Variants in CDH4 observed in about 807,000 individuals in gnomAD.
CDH4 encodes cadherin-4.
CDH4 carries 33 observed loss-of-function variants against 86.0 expected under a neutral mutation model. That is an observed-to-expected ratio of 0.38 (90% CI 0.29 to 0.51). CDH4 has a LOEUF of 0.51. Ranked by LOEUF, CDH4 falls within the 20% of genes least tolerant of loss-of-function variation. The pLI is 0.86. For synonymous variants in CDH4, 555 were observed against 549.4 expected (o/e 1.01, Z -0.14); for missense variants, 1,114 against 1,307.4 (o/e 0.85, Z 2.28).
chr20:61,646,222 C>T (rs772802820), intron 2 of CDH4, among the ~76,000 whole-genome samples: 5 of 152,086 alleles, frequency 3.3e-5, no homozygotes, highest in Non-Finnish European at 5.9e-5. Context: ...GGCCTCTTCA[C>T]GCTGCCTGGA....
intron 2 of CDH4, among the ~76,000 whole-genome samples, chr20:61,726,918 C>A (rs1189656283): frequency 7.2e-5 from 11 of 152,012 alleles, no homozygotes; most frequent in Non-Finnish European, 1.5e-5. Context: ...GTGAGATCAT[C>A]ATCAACATTG....
At chr20:61,538,929 G>A (rs944997797) in intron 2 of CDH4, among the ~76,000 whole-genome samples, 2 of 152,354 alleles carry the variant, frequency 1.3e-5, no homozygotes, top group East Asian at 3.9e-4. Context: ...GGGCACCGTG[G>A]CTTCCTGCCT....
intron 9 of CDH4, among the ~76,000 whole-genome samples, chr20:61,916,767 G>GA (rs1049670907): frequency 2.0e-5 from 3 of 152,362 alleles, no homozygotes; most frequent in African/African-American, 7.2e-5. Context: ...TGGTGAGGAG[G>GA]AATCAGTGAA....
chr20:61,623,887 C>T lies in CDH4; in HGVS notation c.170-119676C>T, dbSNP rs1315066897. ...AGCAGGAAGGACACGGTTCCTAGAGCGAGGAACACCCCAGAATCTGAGGAG... is the reference window on the plus strand; with the variant it reads ...AGCAGGAAGGACACGGTTCCTAGAGTGAGGAACACCCCAGAATCTGAGGAG... On this transcript the variant is annotated intron_variant, in intron 2 of 15. Transcript: ENST00000614565. The surrounding 1 kb of genome is among the most constrained non-coding windows in gnomAD (Gnocchi z 4.4). 2.7e-5 allele frequency among the ~76,000 whole-genome samples: 4 copies of T among 148,678 alleles called. No individual in the cohort carries two copies. Among genetic ancestry groups the T allele is most frequent in the South Asian group, 4.3e-4 (2 of 4,648 alleles).
intron 5 of CDH4, among the ~76,000 whole-genome samples, chr20:61,851,053 T>C (rs1352745997): frequency 6.6e-6 from 1 of 152,212 alleles, no homozygotes; most frequent in Non-Finnish European, 1.5e-5. Context: ...GGGAAACACA[T>C]CCATAGCAGG....
rs2054987027 is a variant in CDH4, at chr20:61,921,857, CGAT to C, written c.1375-1590_1375-1588del. ...TGACCCCATTCCTTCCCTCTGATAA[CGAT>C]GATCATTTTTATTAGTTTTTGGTTT... On this transcript the variant is annotated intron_variant, in intron 9 of 15. Transcript: ENST00000614565. 3.9e-5 allele frequency among the ~76,000 whole-genome samples: 6 copies of C among 152,144 alleles called. No individual in the cohort carries two copies. The South Asian group carries it at 1.2e-3, about 32-fold the overall frequency.
intron 8 of CDH4, among the ~76,000 whole-genome samples, chr20:61,907,168 A>C (rs2031648563): frequency 1.3e-5 from 2 of 151,884 alleles, no homozygotes; most frequent in Non-Finnish European, 2.9e-5. Flanking sequence ...CCTCCACCTC[A>C]CAGCTCTGTC....
At chr20:61,855,930 GCTGT>G (rs1359589193) in intron 6 of CDH4, among the ~76,000 whole-genome samples, 1 of 152,226 alleles carries the variant, frequency 6.6e-6, no homozygotes, top group African/African-American at 2.4e-5. Flanking sequence ...CCCACAACAA[GCTGT>G]CTTTGTGCAA....
chr20:61,433,954 A>G (rs900186204), intron 2 of CDH4, among the ~76,000 whole-genome samples: 1 of 152,128 alleles, frequency 6.6e-6, no homozygotes, highest in South Asian at 2.1e-4. Context: ...AGACCCACCC[A>G]CCTGCCCATT....
rs546343693 is a variant in CDH4, at chr20:61,361,240, G to A, written c.169+106303G>A. Among the ~76,000 whole-genome samples, 3 of 152,190 alleles carry A rather than the reference G, an allele frequency of 2.0e-5. No individual in the cohort carries two copies. In the South Asian group the frequency reaches 6.2e-4, roughly 32 times the overall value. Reference sequence around the variant, plus strand: ...TCCCGTTGCTCTGGAGACCCTGCTAGGGTTTCTGGGATGGGCCCTCCTTTG... The same window carrying A: ...TCCCGTTGCTCTGGAGACCCTGCTAAGGTTTCTGGGATGGGCCCTCCTTTG... On this transcript the variant is annotated intron_variant, in intron 2 of 15. Transcript: ENST00000614565.
chr20:61,803,580 C>T (rs927572403), intron 4 of CDH4, among the ~76,000 whole-genome samples: 3 of 152,184 alleles, frequency 2.0e-5, no homozygotes, highest in African/African-American at 4.8e-5. Context: ...GTTCTGCTAC[C>T]GCGGGCGAGC....
At chr20:61,434,007 A>G (rs1202158419) in intron 2 of CDH4, among the ~76,000 whole-genome samples, 1 of 152,140 alleles carries the variant, frequency 6.6e-6, no homozygotes, top group Non-Finnish European at 1.5e-5. Context: ...CCATCGTCCC[A>G]TGGCGCATGG....
intron 4 of CDH4, among the ~76,000 whole-genome samples, chr20:61,824,850 C>A (rs1012380296): frequency 6.6e-6 from 1 of 152,202 alleles, no homozygotes; most frequent in African/African-American, 2.4e-5. Context: ...AACCCTCCTC[C>A]TAAGACCACA....
rs80194293 is a variant in CDH4, at chr20:61,505,573, C to T, written c.170-237990C>T. 3.6e-3 allele frequency among the ~76,000 whole-genome samples: 555 copies of T among 152,272 alleles called. 2 individuals are homozygous for T. The highest frequency in any genetic ancestry group is 0.013 in the African/African-American group (540 of 41,552). On this transcript the variant is annotated intron_variant, in intron 2 of 15. Coordinates refer to ENST00000614565, the MANE Select transcript of CDH4 (RefSeq NM_001794.5). Reference sequence around the variant, plus strand: ...ACCAGGGAAAAAGTACCCTTCCTAACGCTGGTGCCCCACTCAGCACTTGCT... The same window carrying T: ...ACCAGGGAAAAAGTACCCTTCCTAATGCTGGTGCCCCACTCAGCACTTGCT...
At chr20:61,523,161 G>A (rs1020741868) in intron 2 of CDH4, among the ~76,000 whole-genome samples, 1 of 152,210 alleles carries the variant, frequency 6.6e-6, no homozygotes, top group Non-Finnish European at 1.5e-5. Context: ...AGCCACAGAG[G>A]TGGGAAGGCG....
chr20:61,814,251 G>A (rs944443075), intron 4 of CDH4, among the ~76,000 whole-genome samples: 2 of 152,176 alleles, frequency 1.3e-5, no homozygotes, highest in African/African-American at 4.8e-5. Flanking sequence ...GGAACCTCAC[G>A]CTGTGACCCT....
chr20:61,756,278 G>A (rs1283400868), intron 3 of CDH4, among the ~76,000 whole-genome samples: 2 of 152,264 alleles, frequency 1.3e-5, no homozygotes, highest in East Asian at 1.9e-4. Flanking sequence ...CCTTGCCTCC[G>A]ATCTGCATTT....
At chr20:61,920,787 TATC>T (rs1413138492) in intron 9 of CDH4, among the ~76,000 whole-genome samples, 1 of 142,656 alleles carries the variant, frequency 7.0e-6, no homozygotes, top group East Asian at 2.2e-4. Context: ...GGAAGCGTGG[TATC>T]ATGGTGATTG....
At chr20:61,274,353 G>A (rs1306604350) in intron 2 of CDH4, among the ~76,000 whole-genome samples, 2 of 98,430 alleles carry the variant, frequency 2.0e-5, no homozygotes, top group Non-Finnish European at 3.8e-5. Flanking sequence ...GGGGATTACT[G>A]CATGCAGTTG....
Sources: gnomAD v4.1 joint callset for allele counts (sites outside exome capture counted in the v4.1 genomes callset) on GRCh38, gnomAD v4.1.1 for gene constraint, Gnocchi (gnomAD v3.1) non-coding constraint, MANE v1.5 for transcripts, NCBI Gene and HGNC (gene_info 2026-07-23, HGNC 2026-07-21) for gene names.